Variants in MICAL3 observed in about 807,000 individuals in gnomAD.
MICAL3 encodes the protein microtubule associated monooxygenase, calponin and LIM domain containing 3.
Under a neutral mutation model 207.4 loss-of-function variants are expected in MICAL3, and 62 were observed. The observed-to-expected ratio is 0.30, with a 90% CI of 0.24 to 0.37. MICAL3 has a LOEUF of 0.37. Among genes scored for constraint, MICAL3 ranks in the 10% least tolerant of loss-of-function variants. The probability of loss-of-function intolerance (pLI) is 1.00; values close to 1 mark genes in which losing one functional copy is unlikely to be tolerated. For synonymous variants in MICAL3, 1,077 were observed against 1,069.3 expected (o/e 1.01, Z -0.14); for missense variants, 2,368 against 2,635.6 (o/e 0.90, Z 2.22).
chr22:17,891,591 T>G lies in MICAL3; in HGVS notation c.1588A>C (p.Arg530=). The G allele has an allele frequency of 6.2e-7, 1 of 1,613,988 alleles. No homozygotes were observed. Among genetic ancestry groups the G allele is most frequent in the Non-Finnish European group, 8.5e-7 (1 of 1,179,864 alleles). ...RSSKLLGWCQ[R]QTDGYAGVNV... is the part of the protein sequence containing the mutation. ...ACCCCTGCATAGCCATCTGTCTGCC[T>G]CTGGCACCAACCCAGCAGTTTGCTT... is the stretch of plus-strand genomic sequence containing the variant. The change falls in exon 12 of 32, where the codon AGG becomes CGG. Residue 530 remains arginine (R), a synonymous_variant. Coordinates refer to ENST00000441493, the MANE Select transcript of MICAL3 (RefSeq NM_015241.3).
At chr22:17,954,545 G>C (rs748637766) in intron 1 of MICAL3, among the ~76,000 whole-genome samples, 1 of 152,202 alleles carries the variant, frequency 6.6e-6, no homozygotes, top group African/African-American at 2.4e-5. Context: ...AATGTTCTTT[G>C]CTAAAACTGG....
chr22:17,903,510 C>G (rs1319304697), intron 3 of MICAL3, among the ~76,000 whole-genome samples: 1 of 152,208 alleles, frequency 6.6e-6, no homozygotes, highest in Non-Finnish European at 1.5e-5. Flanking sequence ...ACCCTTGGTT[C>G]TCTCTTAAGA....
intron 1 of MICAL3, among the ~76,000 whole-genome samples, chr22:17,955,732 A>G (rs1349989725): frequency 6.6e-6 from 1 of 152,218 alleles, no homozygotes; most frequent in East Asian, 1.9e-4. Flanking sequence ...TGCATTTGCT[A>G]TGCACCTCAA....
rs1569150737 is a variant in MICAL3, at chr22:17,967,494, C to CACA, written c.-75+56786_-75+56787insTGT. ...CACACACACACACACACACACACAC[C>CACA]CACACACACCCACTCATGCCTACAG... is the stretch of plus-strand genomic sequence containing the variant. On this transcript the variant is annotated intron_variant, in intron 1 of 31. Transcript: ENST00000441493. Among the ~76,000 whole-genome samples the CACA allele has an allele frequency of 1.9e-3, 158 of 84,476 alleles. 2 individuals are homozygous for CACA. The highest frequency in any genetic ancestry group is 5.7e-3 in the South Asian group (16 of 2,824). The allele number at this position is 84,476 out of a possible 152,430, so 55.4% of individuals were successfully genotyped here.
intron 1 of MICAL3, among the ~76,000 whole-genome samples, chr22:17,931,150 G>A (rs988995198): frequency 1.3e-5 from 2 of 152,142 alleles, no homozygotes; most frequent in Non-Finnish European, 2.9e-5. Context: ...AACTTGTGGA[G>A]AGTCTAATTC....
In MICAL3 at chr22:17,818,149, G is replaced by T. The variant is rs1300460510; in HGVS notation, c.4512C>A (p.Pro1504=). The change falls in exon 26 of 32, where the codon CCC becomes CCA. Residue 1504 remains proline, a synonymous_variant. Transcript: ENST00000441493. ...ACGACTTCCGCACCTCCTCTCTGGG[G>T]GGCTGAGCAGGCTCCCGGGGGGGCC... ...WMRPPREPAQ[P]PREEVRKSFV... 3 of 1,604,856 alleles carry T rather than the reference G, an allele frequency of 1.9e-6. No individual in the cohort carries two copies. In the African/African-American group the frequency reaches 4.0e-5, roughly 21 times the overall value.
intron 16 of MICAL3, among the ~76,000 whole-genome samples, chr22:17,873,035 C>T (rs1238665446): frequency 6.6e-6 from 1 of 152,222 alleles, no homozygotes; most frequent in African/African-American, 2.4e-5. Flanking sequence ...GGAAGAAAAA[C>T]ATCGCGTCAG....
intron 29 of MICAL3, among the ~76,000 whole-genome samples, chr22:17,795,737 G>A (rs567978347): frequency 5.8e-4 from 89 of 152,338 alleles, no homozygotes; most frequent in African/African-American, 1.8e-3. Flanking sequence ...CGCTACCTTC[G>A]GACTTCCCTG....
chr22:17,943,736 C>A, intron 1 of MICAL3, among the ~76,000 whole-genome samples: 1 of 152,278 alleles, frequency 6.6e-6, no homozygotes, highest in Non-Finnish European at 1.5e-5. Flanking sequence ...TGGGACCTGT[C>A]CCATAGAGAA....
chr22:17,952,230 C>T (rs1221500595), intron 1 of MICAL3, among the ~76,000 whole-genome samples: 1 of 152,218 alleles, frequency 6.6e-6, no homozygotes, highest in East Asian at 1.9e-4. Flanking sequence ...TCCCTAACAC[C>T]TAGAACAAGT....
chr22:17,916,259 C>T lies in MICAL3; in HGVS notation c.-74-9373G>A, dbSNP rs148558643. 1.2e-3 allele frequency among the ~76,000 whole-genome samples: 177 copies of T among 152,182 alleles called. 1 individual carries two copies. Among genetic ancestry groups the T allele is most frequent in the East Asian group, 0.011 (56 of 5,172 alleles). ...AGCGAGCGACATCTGCCGCATGTCT[C>T]GCTGAAGCCAGCCTCTGCCTGTGCT... is the stretch of plus-strand genomic sequence containing the variant. On this transcript the variant is annotated intron_variant, in intron 1 of 31. Coordinates refer to ENST00000441493, the MANE Select transcript of MICAL3 (RefSeq NM_015241.3).
intron 1 of MICAL3, among the ~76,000 whole-genome samples, chr22:17,991,613 T>TTAA (rs1328915515): frequency 6.6e-6 from 1 of 152,174 alleles, no homozygotes; most frequent in Non-Finnish European, 1.5e-5. Flanking sequence ...GTCAGCTATA[T>TTAA]TAATACAGCA....
At chr22:17,884,304 G>T in intron 16 of MICAL3, 1 of 1,591,452 alleles carries the variant, frequency 6.3e-7, no homozygotes, top group South Asian at 1.1e-5. Context: ...GGGGCAGGGC[G>T]AACCTGCCCA....
In MICAL3 at chr22:17,827,751, T is replaced by G. The variant is rs774482232; in HGVS notation, c.3086A>C (p.His1029Pro). 1.3e-6 allele frequency: 2 copies of G among 1,555,474 alleles called. No individual in the cohort carries two copies. The highest frequency in any genetic ancestry group is 1.9e-5 in the Admixed American group (1 of 51,764). Reference protein sequence around the residue: ...AGNQRLQQVMHAADPLEIQAD... With the variant: ...AGNQRLQQVMPAADPLEIQAD... ...CTGGATCTCCAGAGGATCCGCCGCGTGCATGACCTGCTGGAGCCTCTGGTT... is the reference window on the plus strand; with the variant it reads ...CTGGATCTCCAGAGGATCCGCCGCGGGCATGACCTGCTGGAGCCTCTGGTT... The change falls in exon 22 of 32, where the codon CAC (histidine) becomes CCC (proline). Residue 1029 changes from histidine to proline, a missense_variant. Transcript: ENST00000441493.
chr22:17,846,743 A>T (rs924593160), intron 19 of MICAL3, among the ~76,000 whole-genome samples: 2 of 152,214 alleles, frequency 1.3e-5, no homozygotes, highest in Non-Finnish European at 2.9e-5. Flanking sequence ...GGGACTTTCC[A>T]GCTTAAAGCG....
intron 1 of MICAL3, among the ~76,000 whole-genome samples, chr22:17,953,862 G>A (rs1320986782): frequency 7.0e-6 from 1 of 142,372 alleles, no homozygotes; most frequent in Admixed American, 7.1e-5. Context: ...ACCTAGGAGG[G>A]GGAGGTTGCA....
intron 1 of MICAL3, among the ~76,000 whole-genome samples, chr22:17,937,715 T>C (rs894825646): frequency 2.6e-5 from 4 of 152,178 alleles, no homozygotes; most frequent in African/African-American, 9.7e-5. Flanking sequence ...AAAAACAGAT[T>C]GCTAACTTCA....
At chr22:17,798,157 G>A (rs1328539909) in intron 29 of MICAL3, among the ~76,000 whole-genome samples, 1 of 152,220 alleles carries the variant, frequency 6.6e-6, no homozygotes, top group Non-Finnish European at 1.5e-5. Flanking sequence ...AGGAAAATGG[G>A]CTTTTTATGA....
intron 16 of MICAL3, among the ~76,000 whole-genome samples, chr22:17,885,229 A>C (rs1233118948): frequency 6.6e-6 from 1 of 152,316 alleles, no homozygotes; most frequent in East Asian, 1.9e-4. Flanking sequence ...CCCGGGAAAC[A>C]GCTGCAACAC....
Sources: allele counts gnomAD v4.1 joint callset (sites outside exome capture counted in the v4.1 genomes callset), GRCh38; gene constraint gnomAD v4.1.1; transcripts MANE v1.5; gene names NCBI Gene and HGNC (gene_info 2026-07-23, HGNC 2026-07-21).